Variants in DHX57 observed in about 807,000 individuals in gnomAD.
DHX57 encodes DExH-box helicase 57, also known as putative ATP-dependent RNA helicase DHX57.
A neutral mutation model predicts 156.2 loss-of-function variants in DHX57; 105 were observed. The observed-to-expected ratio is 0.67, with a 90% CI of 0.57 to 0.79. DHX57 has a LOEUF of 0.79. Ranked by LOEUF, DHX57 falls within the 30% of genes least tolerant of loss-of-function variation. DHX57 has a pLI of 0.00. For synonymous variants in DHX57, 704 were observed against 595.6 expected, an observed-to-expected ratio of 1.18 and a Z score of -2.65; for missense variants, 1,847 against 1,661.9, an observed-to-expected ratio of 1.11 and a Z score of -1.94.
chr2:38,844,916 C>T (rs2124883277), intron 11 of DHX57, among the ~76,000 whole-genome samples: 1 of 152,108 alleles, frequency 6.6e-6, no homozygotes, highest in East Asian at 1.9e-4. Context: ...CCTTTAGTGT[C>T]CACAAAGTGT....
chr2:38,873,151 T>A (rs1665431121), intron 1 of DHX57, among the ~76,000 whole-genome samples: 1 of 152,072 alleles, frequency 6.6e-6, no homozygotes, highest in Non-Finnish European at 1.5e-5. Context: ...CCATGCTCCC[T>A]GACTAATTTT....
At chr2:38,828,477 C>A in intron 13 of DHX57, 41 bp from the exon 14 acceptor site, 4 of 1,429,316 alleles carry the variant, frequency 2.8e-6, no homozygotes, top group Non-Finnish European at 2.9e-6. Flanking sequence ...TAAGCATAGG[C>A]ACAGAAAAGA....
intron 9 of DHX57, among the ~76,000 whole-genome samples, chr2:38,849,378 T>C (rs1213086813): frequency 6.6e-6 from 1 of 152,166 alleles, no homozygotes. Flanking sequence ...TTGCAATCTG[T>C]TCTCAATACA....
chr2:38,851,974 T>C (rs1019391466), intron 9 of DHX57, among the ~76,000 whole-genome samples: 53 of 152,148 alleles, frequency 3.5e-4, no homozygotes, highest in African/African-American at 1.2e-3. Context: ...TACAAAAAGA[T>C]TATTTGCCCC....
intron 1 of DHX57, among the ~76,000 whole-genome samples, chr2:38,871,668 A>G (rs1665359490): frequency 6.6e-6 from 1 of 151,752 alleles, no homozygotes; most frequent in Admixed American, 6.6e-5. Flanking sequence ...CACGATACAG[A>G]GAGAGGTACC....
At chr2:38,798,560 C>T in intron 23 of DHX57, 118 bp from the exon 24 acceptor site, 1 of 1,173,360 alleles carries the variant, frequency 8.5e-7, no homozygotes, top group Non-Finnish European at 1.2e-6. Flanking sequence ...ATTTTAACTC[C>T]ATTAGGAGCA....
In DHX57 at chr2:38,861,107, G is replaced by A. The variant is rs758829319; in HGVS notation, c.1303C>T (p.Pro435Ser). 1.9e-6 allele frequency: 3 copies of A among 1,614,158 alleles called. No individual in the cohort carries two copies. The highest frequency in any genetic ancestry group is 2.5e-6 in the Non-Finnish European group (3 of 1,180,010). ...GGTACTGGCAGAAAGTTCACAGGAG[G>A]GTCACTATACTTGTGGTGGGTATTC... ...LTNTHHKYSD[P>S]PVNFLPVPSR... Residue 435 changes from proline to serine, a missense_variant, in exon 5 of 24, where the codon CCT (proline) becomes TCT (serine). Coordinates refer to ENST00000457308, the MANE Select transcript of DHX57 (RefSeq NM_198963.3).
At chr2:38,809,794 G>T (rs1558356001) in intron 21 of DHX57, among the ~76,000 whole-genome samples, 1 of 151,904 alleles carries the variant, frequency 6.6e-6, no homozygotes, top group African/African-American at 2.4e-5. Flanking sequence ...ATTTCTTCTT[G>T]CTAGTAACAC....
rs11885115 is a variant in DHX57, at chr2:38,875,912, G to T, written c.-132C>A. 9 of 396,636 alleles carry T rather than the reference G, an allele frequency of 2.3e-5. No homozygotes were observed. Among genetic ancestry groups the T allele is most frequent in the Middle Eastern group, 6.2e-4 (1 of 1,602 alleles). The allele number at this position is 396,636 out of a possible 1,614,324, so 24.6% of individuals were successfully genotyped here. A position where few individuals can be genotyped will look rare whatever the true frequency, so the allele number is the denominator to read the frequency against. On this transcript the variant is annotated 5_prime_UTR_variant, in exon 1 of 24. It adds an upstream start codon to the 5' untranslated region. Transcript: ENST00000457308. ...GCAGCCCTGCGGTGGCCCAGCTGCA[G>T]CGGCACAGTCCCGGCGCCTTCTGAT...
rs1671215874 is a variant in DHX57, at chr2:38,828,422, A to C, written c.2557T>G (p.Phe853Val). The change falls in exon 14 of 24, where the codon TTT (phenylalanine) becomes GTT (valine). Residue 853 changes from phenylalanine (F) to valine (V), a missense_variant. Transcript: ENST00000457308. ...HSYPPGAILV[F>V]LPGLAEIKML... ...TTGATTTCTGCTAGTCCTGGTAAAA[A>C]TACAAGTATAGCACCTGGGTATATA... 6.2e-7 allele frequency: 1 copy of C among 1,612,972 alleles called. No homozygotes were observed. The highest frequency in any genetic ancestry group is 1.3e-5 in the African/African-American group (1 of 75,030).
At position 38,855,048 on chromosome 2, in the gene DHX57, C is replaced by T. The variant is rs769809790; in HGVS notation, c.1905+9G>A. 1.0e-4 allele frequency: 163 copies of T among 1,614,100 alleles called. 1 individual carries two copies. The South Asian group carries it at 1.5e-3, about 15-fold the overall frequency. On this transcript the variant is annotated intron_variant, in intron 8 of 23. Coordinates refer to ENST00000457308, the MANE Select transcript of DHX57 (RefSeq NM_198963.3). ...TTCTGTTACCAGGAAATAAGCAGAG[C>T]ATACAAACCTTGACACTTTCTAACC...
Position 38,798,375 on chromosome 2 carries a change from G to A in DHX57, c.4085C>T (p.Pro1362Leu), listed in dbSNP as rs145000957. ...AGGACACGTACACAGATCAATGCTT[G>A]GGTTTTTAATTTTATCCTGGAGAAG... Reference protein sequence around the residue: ...DQLLQDKIKNPSIDLCTCPRG... With the variant: ...DQLLQDKIKNLSIDLCTCPRG... The change falls in exon 24 of 24, where the codon CCA becomes CTA. Residue 1362 changes from proline to leucine, a missense_variant. Physicochemically the swap from Pro to Leu is moderately conservative, Grantham distance 98. Transcript: ENST00000457308. 95 of 1,613,914 alleles carry A rather than the reference G, an allele frequency of 5.9e-5. No homozygotes were observed. The highest frequency in any genetic ancestry group is 1.6e-4 in the Middle Eastern group (1 of 6,084).
chr2:38,863,497 T>A lies in DHX57; in HGVS notation c.247A>T (p.Lys83Ter), dbSNP rs1465268572. The change falls in exon 3 of 24, where the codon AAA (lysine) becomes TAA (stop). Residue 83 changes from lysine to a stop codon, truncating the protein, a stop_gained. Transcript: ENST00000457308. LOFTEE classifies it high-confidence loss of function. ...TTCCATTTTGGGCGTGACTCTCCTTTGCTTATGTTACTGTTGCTAGGTCTA... is the reference window on the plus strand; with the variant it reads ...TTCCATTTTGGGCGTGACTCTCCTTAGCTTATGTTACTGTTGCTAGGTCTA... Reference protein sequence around the residue: ...PSRPSNSNISKGESRPKWKPK... With the variant: ...PSRPSNSNIS 1 of 1,613,928 alleles carries A rather than the reference T, an allele frequency of 6.2e-7. No individual in the cohort carries two copies.
intron 17 of DHX57, among the ~76,000 whole-genome samples, chr2:38,822,036 C>G (rs1036363748): frequency 6.6e-6 from 1 of 152,138 alleles, no homozygotes; most frequent in Non-Finnish European, 1.5e-5. Context: ...TGCTCCACCA[C>G]CCCCCGGCCC....
chr2:38,868,136 G>A, intron 2 of DHX57, 46 bp downstream of exon 2: 1 of 1,601,680 alleles, frequency 6.2e-7, no homozygotes, highest in South Asian at 1.1e-5. Context: ...ATACATTAGG[G>A]GTTGATACCA....
intron 10 of DHX57, among the ~76,000 whole-genome samples, chr2:38,847,959 T>C (rs569374906): frequency 2.6e-5 from 4 of 151,974 alleles, no homozygotes; most frequent in Admixed American, 2.6e-4. Context: ...GGCGGGCACC[T>C]GTAGTCCCAG....
chr2:38,820,220 G>A (rs1012078832), intron 17 of DHX57, among the ~76,000 whole-genome samples: 2 of 152,110 alleles, frequency 1.3e-5, no homozygotes, highest in African/African-American at 2.4e-5. Context: ...CAGGCCAGTG[G>A]GAAAAGGATT....
At chr2:38,871,593 C>T (rs1218459481) in intron 1 of DHX57, among the ~76,000 whole-genome samples, 1 of 151,984 alleles carries the variant, frequency 6.6e-6, no homozygotes, top group Non-Finnish European at 1.5e-5. Flanking sequence ...CTGGGAAGTC[C>T]AAGAGCATGA....
chr2:38,840,524 G>C (rs1671936114), intron 12 of DHX57, among the ~76,000 whole-genome samples: 1 of 151,870 alleles, frequency 6.6e-6, no homozygotes, highest in Non-Finnish European at 1.5e-5. Flanking sequence ...GGGACTACAG[G>C]TGTGTGCCAC....
Sources: gnomAD v4.1 joint callset for allele counts (sites outside exome capture counted in the v4.1 genomes callset) on GRCh38, gnomAD v4.1.1 for gene constraint, MANE v1.5 for transcripts, NCBI Gene and HGNC (gene_info 2026-07-23, HGNC 2026-07-21) for gene names.